Variants in GPHN observed in about 807,000 individuals in gnomAD.
GPHN encodes the protein gephyrin.
Under a neutral mutation model 95.5 loss-of-function variants are expected in GPHN, and 17 were observed. The ratio of observed to expected loss-of-function variants is 0.18; its 90% CI spans 0.12 to 0.27. The LOEUF (loss-of-function observed/expected upper bound fraction) is 0.27, where lower values mean the gene tolerates loss of function less well. Among genes scored for constraint, GPHN ranks in the 10% least tolerant of loss-of-function variants. GPHN has a pLI of 1.00. For missense variants in GPHN, 660 were observed against 978.1 expected, an observed-to-expected ratio of 0.67 and a Z score of 4.34; for synonymous variants, 320 against 322.5, an observed-to-expected ratio of 0.99 and a Z score of 0.08.
At chr14:67,640,879 G>T in the GPHN span, among the ~76,000 whole-genome samples, 1 of 152,182 alleles carries the variant, frequency 6.6e-6, no homozygotes, top group African/African-American at 2.4e-5. Context: ...AAGGATAGAG[G>T]TTGAGCGTCC....
intron 9 of GPHN, chr14:66,985,717 T>A: frequency 6.5e-7 from 1 of 1,530,380 alleles, no homozygotes; most frequent in Non-Finnish European, 8.8e-7. Context: ...AAGGAGTTGC[T>A]AGTAGAGTTG....
chr14:66,707,671 G>A (rs573007957), intron 2 of GPHN, among the ~76,000 whole-genome samples: 9 of 151,710 alleles, frequency 5.9e-5, no homozygotes, highest in East Asian at 3.9e-4. Flanking sequence ...GTTGGGCGGC[G>A]GCAGCGAGGT....
the GPHN span, among the ~76,000 whole-genome samples, chr14:67,695,337 C>A: frequency 6.6e-6 from 1 of 152,190 alleles, no homozygotes; most frequent in Non-Finnish European, 1.5e-5. Context: ...TTGAGGTAGC[C>A]TTACCCTCGG....
At chr14:66,841,771 T>C (rs2062098547) in intron 4 of GPHN, among the ~76,000 whole-genome samples, 1 of 152,106 alleles carries the variant, frequency 6.6e-6, no homozygotes, top group Admixed American at 6.6e-5. Context: ...CCGGGCATGG[T>C]GACTCACACC....
chr14:67,618,642 A>C, the GPHN span, among the ~76,000 whole-genome samples: 2 of 151,988 alleles, frequency 1.3e-5, no homozygotes, highest in African/African-American at 4.8e-5. Context: ...TGGCCTCCCA[A>C]AGTGTTGGAA....
the GPHN span, among the ~76,000 whole-genome samples, chr14:67,423,354 C>T: frequency 6.6e-6 from 1 of 152,112 alleles, no homozygotes; most frequent in Non-Finnish European, 1.5e-5. Context: ...CATGCCTCAC[C>T]TCCACCCTCC....
the GPHN span, among the ~76,000 whole-genome samples, chr14:67,195,262 C>G: frequency 6.6e-6 from 1 of 152,196 alleles, no homozygotes; most frequent in African/African-American, 2.4e-5. Flanking sequence ...GGGCGAGACC[C>G]AGTCGTGGCT....
chr14:67,207,761 C>A, the GPHN span, among the ~76,000 whole-genome samples: 2 of 152,024 alleles, frequency 1.3e-5, no homozygotes, highest in African/African-American at 4.8e-5. Flanking sequence ...GTTTTAGATA[C>A]AGGTTCTAAG....
At chr14:67,301,084 T>G in the GPHN span, among the ~76,000 whole-genome samples, 2 of 152,064 alleles carry the variant, frequency 1.3e-5, no homozygotes, top group Non-Finnish European at 2.9e-5. Flanking sequence ...GTTAGGACAG[T>G]TTTTCTTTTC....
the GPHN span, among the ~76,000 whole-genome samples, chr14:67,469,608 T>C: frequency 6.6e-6 from 1 of 151,756 alleles, no homozygotes; most frequent in East Asian, 1.9e-4. Context: ...TTCTGAACCC[T>C]CCATCCTCTT....
chr14:67,656,013 G>A, the GPHN span, among the ~76,000 whole-genome samples: 1 of 152,058 alleles, frequency 6.6e-6, no homozygotes, highest in Non-Finnish European at 1.5e-5. Context: ...TGGGAGGCCG[G>A]AGCAGGTGGA....
At chr14:67,504,728 T>C in the GPHN span, among the ~76,000 whole-genome samples, 1 of 152,064 alleles carries the variant, frequency 6.6e-6, no homozygotes, top group Admixed American at 6.6e-5. Context: ...CTACTAAAAA[T>C]ACAAAAATTA....
At chr14:67,392,993 G>A in the GPHN span, 2 of 867,786 alleles carry the variant, frequency 2.3e-6, no homozygotes, top group Non-Finnish European at 3.7e-6. Flanking sequence ...CTGCTGCATA[G>A]AGCCGTGGCT....
intron 16 of GPHN, among the ~76,000 whole-genome samples, chr14:67,116,324 A>C (rs1012162935): frequency 4.6e-5 from 7 of 151,964 alleles, no homozygotes; most frequent in African/African-American, 1.7e-4. Flanking sequence ...AAAGAAAGAA[A>C]GAAACAGAAG....
At chr14:67,351,662 C>T in the GPHN span, among the ~76,000 whole-genome samples, 1 of 151,982 alleles carries the variant, frequency 6.6e-6, no homozygotes, top group African/African-American at 2.4e-5. Flanking sequence ...GTGCATGCCA[C>T]CACACTCTGC....
chr14:66,631,629 G>A (rs1371712023), intron 1 of GPHN, among the ~76,000 whole-genome samples: 1 of 152,146 alleles, frequency 6.6e-6, no homozygotes, highest in East Asian at 1.9e-4. Flanking sequence ...TATTGCCATA[G>A]TGAAGTAATT....
intron 2 of GPHN, among the ~76,000 whole-genome samples, chr14:66,733,286 A>T (rs555156967): frequency 2.0e-5 from 3 of 151,886 alleles, no homozygotes; most frequent in South Asian, 4.2e-4. Flanking sequence ...ACCATGCGGA[A>T]ATGTGAGTTA....
chr14:67,193,313 T>G, the GPHN span, among the ~76,000 whole-genome samples: 28 of 130,548 alleles, frequency 2.1e-4, no homozygotes. Context: ...TATCTCTATA[T>G]AGATATCTAT....
At chr14:67,191,917 A>G in the GPHN span, among the ~76,000 whole-genome samples, 1 of 152,238 alleles carries the variant, frequency 6.6e-6, no homozygotes, top group Admixed American at 6.5e-5. Context: ...AGAAACGTAC[A>G]ACCTAATGTA....
Sources: allele counts gnomAD v4.1 joint callset (sites outside exome capture counted in the v4.1 genomes callset), GRCh38; gene constraint gnomAD v4.1.1; transcripts MANE v1.5; gene names NCBI Gene and HGNC (gene_info 2026-07-23, HGNC 2026-07-21).